Variants in PTPRM observed in about 807,000 individuals in gnomAD.
The protein encoded by PTPRM is protein tyrosine phosphatase receptor type M.
A neutral mutation model predicts 186.7 loss-of-function variants in PTPRM; 47 were observed. The observed-to-expected ratio is 0.25, with a 90% CI of 0.20 to 0.32. The LOEUF is 0.32. Among genes scored for constraint, PTPRM ranks in the 10% least tolerant of loss-of-function variants. The pLI, the probability that PTPRM is intolerant of heterozygous loss-of-function variation, is 1.00. For synonymous variants in PTPRM, 668 were observed against 674.9 expected, an observed-to-expected ratio of 0.99 and a Z score of 0.16; for missense variants, 1,494 against 1,865.0, an observed-to-expected ratio of 0.80 and a Z score of 3.66.
chr18:7,644,125 A>T (rs1185643043), intron 1 of PTPRM, among the ~76,000 whole-genome samples: 1 of 152,178 alleles, frequency 6.6e-6, no homozygotes, highest in Non-Finnish European at 1.5e-5. Context: ...AATGCCATAA[A>T]TAGAATATTT....
intron 7 of PTPRM, among the ~76,000 whole-genome samples, chr18:8,046,595 T>TCCCCAGGG (rs2087077718): frequency 6.6e-6 from 1 of 152,090 alleles, no homozygotes; most frequent in Non-Finnish European, 1.5e-5. Context: ...TCCCAGCCCC[T>TCCCCAGGG]CCCCAGGGCC....
chr18:7,910,557 G>C (rs1174794063), intron 4 of PTPRM, among the ~76,000 whole-genome samples: 1 of 152,214 alleles, frequency 6.6e-6, no homozygotes, highest in Non-Finnish European at 1.5e-5. Flanking sequence ...CCGATGGTCA[G>C]TCTGATTGGT....
intron 1 of PTPRM, among the ~76,000 whole-genome samples, chr18:7,633,101 A>T (rs561391035): frequency 1.3e-5 from 2 of 152,186 alleles, no homozygotes. Flanking sequence ...CCTTTTCTTC[A>T]TTCATTTCAG....
intron 7 of PTPRM, among the ~76,000 whole-genome samples, chr18:8,064,549 A>G (rs548243136): frequency 6.6e-6 from 1 of 152,326 alleles, no homozygotes; most frequent in African/African-American, 2.4e-5. Context: ...TATTAATGTG[A>G]TATCTATGAA....
intron 3 of PTPRM, among the ~76,000 whole-genome samples, chr18:7,891,115 A>C (rs1372653987): frequency 1.9e-5 from 1 of 52,704 alleles, no homozygotes; most frequent in Non-Finnish European, 2.9e-5. Flanking sequence ...AGTGTCTCCA[A>C]AAAAAAAAAA....
intron 19 of PTPRM, among the ~76,000 whole-genome samples, chr18:8,270,893 A>T (rs2094763419): frequency 6.6e-6 from 1 of 152,130 alleles, no homozygotes. Context: ...TAGTTATTAG[A>T]TGAAGAAGTT....
chr18:7,905,546 C>T (rs1007888691), intron 3 of PTPRM, among the ~76,000 whole-genome samples: 2 of 152,180 alleles, frequency 1.3e-5, no homozygotes, highest in Non-Finnish European at 2.9e-5. Context: ...GGCTATCTTT[C>T]CTGGTGTCTC....
intron 14 of PTPRM, among the ~76,000 whole-genome samples, chr18:8,176,353 G>A (rs958206372): frequency 6.6e-6 from 1 of 152,222 alleles, no homozygotes; most frequent in African/African-American, 2.4e-5. Context: ...TGATTTCAGA[G>A]GGATGTGCCT....
intron 26 of PTPRM, chr18:8,377,572 A>G (rs2095704683): frequency 3.3e-5 from 5 of 152,220 alleles, no homozygotes; most frequent in African/African-American, 9.6e-5. Flanking sequence ...GTTGTTGAAA[A>G]AAAATAATTA....
At chr18:7,840,093 G>A (rs2046249926) in intron 2 of PTPRM, among the ~76,000 whole-genome samples, 1 of 135,894 alleles carries the variant, frequency 7.4e-6, no homozygotes, top group African/African-American at 2.6e-5. Flanking sequence ...GAGGTGGGGG[G>A]GGAGGGCAGG....
chr18:8,237,120 G>A (rs2094354033), intron 14 of PTPRM, among the ~76,000 whole-genome samples: 1 of 152,048 alleles, frequency 6.6e-6, no homozygotes. Context: ...TTCACAGGTA[G>A]TGAAAGTTCT....
At chr18:8,103,099 T>C (rs2091364226) in intron 11 of PTPRM, among the ~76,000 whole-genome samples, 1 of 152,200 alleles carries the variant, frequency 6.6e-6, no homozygotes, top group Non-Finnish European at 1.5e-5. Context: ...TAAATAGATG[T>C]GGTATCATCC....
Position 8,253,401 on chromosome 18 carries a change from A to G in PTPRM, c.2741A>G (p.Lys914Arg). The change falls in exon 19 of 33, where the codon AAG becomes AGG. Residue 914 changes from lysine (K) to arginine (R), a missense_variant. Lys to Arg is a conservative substitution (Grantham distance 26). This residue lies in a region of PTPRM where 1,107 missense variants were observed against 1,350.2 expected (regional missense o/e 0.82). Coordinates refer to ENST00000580170, the MANE Select transcript of PTPRM (RefSeq NM_001105244.2). ...AAGTGTGCGGAGGGCTACGGCTTCA[A>G]GGAGGAATACGAGGTGAGCACAAGC... ...QMKCAEGYGF[K>R]EEYESFFEGQ... The G allele has an allele frequency of 6.5e-7, 1 of 1,530,782 alleles. No homozygotes were observed. The highest frequency in any genetic ancestry group is 8.8e-7 in the Non-Finnish European group (1 of 1,138,714). The allele number at this position is 1,530,782 out of a possible 1,614,324, so 94.8% of individuals were successfully genotyped here.
intron 5 of PTPRM, among the ~76,000 whole-genome samples, chr18:7,944,600 GT>G (rs2052395056): frequency 6.6e-6 from 1 of 152,156 alleles, no homozygotes; most frequent in Non-Finnish European, 1.5e-5. Context: ...AAGCACTTCT[GT>G]TCTTGCCATA....
chr18:7,700,040 G>A (rs1190592266), intron 1 of PTPRM, among the ~76,000 whole-genome samples: 1 of 151,986 alleles, frequency 6.6e-6, no homozygotes, highest in African/African-American at 2.4e-5. Context: ...ACTATAATGA[G>A]GACTTCTAGA....
chr18:7,571,009 G>A (rs1161475606), intron 1 of PTPRM, among the ~76,000 whole-genome samples: 1 of 151,046 alleles, frequency 6.6e-6, no homozygotes, highest in Non-Finnish European at 1.5e-5. Flanking sequence ...CACGATCTTG[G>A]CTCACTGCAA....
chr18:7,608,750 A>G (rs967176303), intron 1 of PTPRM, among the ~76,000 whole-genome samples: 2 of 152,182 alleles, frequency 1.3e-5, no homozygotes, highest in African/African-American at 4.8e-5. Flanking sequence ...ACCACATCCA[A>G]CTGCCCACAG....
At chr18:8,300,503 T>TA (rs60113332) in intron 20 of PTPRM, among the ~76,000 whole-genome samples, 16,428 of 144,234 alleles carry the variant, frequency 0.11, 898 homozygotes, top group Middle Eastern at 0.19. Context: ...ATTACTTCAT[T>TA]AAAAAAAAAA....
intron 11 of PTPRM, among the ~76,000 whole-genome samples, chr18:8,095,615 G>T (rs1314601901): frequency 6.6e-6 from 1 of 152,028 alleles, no homozygotes; most frequent in Non-Finnish European, 1.5e-5. Flanking sequence ...AGGGCGTGCG[G>T]CCTCAGAACA....
Sources: allele counts gnomAD v4.1 joint callset (sites outside exome capture counted in the v4.1 genomes callset), GRCh38; gene constraint gnomAD v4.1.1; regional missense constraint gnomAD v4.1.1; transcripts MANE v1.5; gene names NCBI Gene and HGNC (gene_info 2026-07-23, HGNC 2026-07-21).